The following TBC1D5 variants were observed in gnomAD, a reference collection of about 807,000 sequenced individuals.
TBC1D5 encodes TBC1 domain family member 5, also known as TBC1 domain family, member 5.
Under a neutral mutation model 100.3 loss-of-function variants are expected in TBC1D5, and 75 were observed. The observed-to-expected ratio is 0.75, with a 90% CI of 0.62 to 0.91. TBC1D5 has a LOEUF of 0.91. Among genes scored for constraint, TBC1D5 ranks in the 40% least tolerant of loss-of-function variants. TBC1D5 has a pLI of 0.00. For missense variants in TBC1D5, 910 were observed against 942.4 expected, an observed-to-expected ratio of 0.97 and a Z score of 0.45; for synonymous variants, 323 against 325.6, an observed-to-expected ratio of 0.99 and a Z score of 0.09.
At chr3:17,455,961 T>C (rs1156831071) in intron 3 of TBC1D5, among the ~76,000 whole-genome samples, 5 of 151,768 alleles carry the variant, frequency 3.3e-5, no homozygotes, top group South Asian at 2.1e-4. Context: ...CACAGACAAA[T>C]AGAACAGAAT....
chr3:17,254,184 T>C (rs1426158407), intron 16 of TBC1D5, among the ~76,000 whole-genome samples: 1 of 152,260 alleles, frequency 6.6e-6, no homozygotes, highest in Non-Finnish European at 1.5e-5. Context: ...TTCAATGTTG[T>C]TTGTTGTGGC....
At chr3:17,390,237 A>G (rs1175693579) in intron 8 of TBC1D5, among the ~76,000 whole-genome samples, 2 of 152,214 alleles carry the variant, frequency 1.3e-5, no homozygotes, top group East Asian at 3.9e-4. Flanking sequence ...TTGGAGCCCC[A>G]ATAACCAGGA....
intron 4 of TBC1D5, among the ~76,000 whole-genome samples, chr3:17,412,847 A>G (rs1456083926): frequency 6.6e-6 from 1 of 152,178 alleles, no homozygotes; most frequent in Non-Finnish European, 1.5e-5. Context: ...AGTAACCACT[A>G]AAGGGAAACA....
intron 1 of TBC1D5, among the ~76,000 whole-genome samples, chr3:17,631,906 T>C (rs2063534654): frequency 6.6e-6 from 1 of 152,216 alleles, no homozygotes; most frequent in African/African-American, 2.4e-5. Flanking sequence ...ATTAACGTTG[T>C]TTTCATGCTT....
intron 3 of TBC1D5, among the ~76,000 whole-genome samples, chr3:17,478,413 T>C (rs1346647946): frequency 2.0e-5 from 3 of 152,212 alleles, no homozygotes; most frequent in Admixed American, 6.5e-5. Flanking sequence ...GGCAACATAG[T>C]AATACTGAGT....
At chr3:17,277,408 AGTCAAAG>A (rs2149812639) in intron 15 of TBC1D5, among the ~76,000 whole-genome samples, 1 of 152,310 alleles carries the variant, frequency 6.6e-6, no homozygotes, top group South Asian at 2.1e-4. Context: ...TCAAGAAAAA[AGTCAAAG>A]GTCAACTTCA....
At chr3:17,727,947 A>G (rs1440092902) in intron 1 of TBC1D5, among the ~76,000 whole-genome samples, 1 of 152,194 alleles carries the variant, frequency 6.6e-6, no homozygotes, top group Non-Finnish European at 1.5e-5. Context: ...ATATACAATA[A>G]ATGTTCACTC....
At chr3:17,708,162 C>A (rs563611732) in intron 1 of TBC1D5, among the ~76,000 whole-genome samples, 1 of 152,262 alleles carries the variant, frequency 6.6e-6, no homozygotes, top group South Asian at 2.1e-4. Flanking sequence ...TCCACATTGT[C>A]AGTTACATAT....
rs1198960845 is a variant in TBC1D5, at chr3:17,478,686, A to C, written c.97+29788T>G. ...GCTGGCTTTGTTACTTGTCTTGGCC[A>C]AGAAAATGTGGCAGATCTGACAAGG... On this transcript the variant is annotated intron_variant, in intron 3 of 21. Coordinates refer to ENST00000253692, the Ensembl canonical transcript of TBC1D5. Among the ~76,000 whole-genome samples the C allele has an allele frequency of 3.3e-5, 5 of 152,194 alleles. No individual in the cohort carries two copies. In the South Asian group the frequency reaches 6.2e-4, roughly 19 times the overall value.
At chr3:17,675,193 T>G (rs2068466391) in intron 1 of TBC1D5, among the ~76,000 whole-genome samples, 1 of 151,772 alleles carries the variant, frequency 6.6e-6, no homozygotes, top group South Asian at 2.1e-4. Context: ...CAGTCTGAGT[T>G]ACAGATAACT....
chr3:17,339,946 T>C (rs1377410170), intron 13 of TBC1D5, among the ~76,000 whole-genome samples: 1 of 152,192 alleles, frequency 6.6e-6, no homozygotes, highest in Non-Finnish European at 1.5e-5. Flanking sequence ...ATGTGAGAAA[T>C]ATAGCAGTAT....
intron 2 of TBC1D5, among the ~76,000 whole-genome samples, chr3:17,576,796 A>T (rs759598056): frequency 6.6e-6 from 1 of 152,018 alleles, no homozygotes; most frequent in East Asian, 1.9e-4. Context: ...GAAATTTCAA[A>T]AACAGGCATT....
Position 17,703,608 on chromosome 3 carries a change from G to A in TBC1D5, c.-101+35735C>T, listed in dbSNP as rs191202406. ...TTGAACTCTAAATCTGTCAAAAGAG[G>A]ATGCAAGCTTACTACAGGAAGATTC... On this transcript the variant is annotated intron_variant, in intron 1 of 21. Transcript: ENST00000253692. 2.8e-4 allele frequency among the ~76,000 whole-genome samples: 43 copies of A among 152,160 alleles called. No individual in the cohort carries two copies. The South Asian group carries it at 3.7e-3, about 13-fold the overall frequency.
rs1309844402 is a variant in TBC1D5, at chr3:17,720,102, G to C, written c.-101+19241C>G. On this transcript the variant is annotated intron_variant, in intron 1 of 21. Transcript: ENST00000253692. ...TTAAAACACTTAACATGTTTAATAG[G>C]AAGTATTTGTGTATGTGTGTATTTA... is the stretch of plus-strand genomic sequence containing the variant. Among the ~76,000 whole-genome samples the C allele has an allele frequency of 2.0e-5, 3 of 152,128 alleles. No individual in the cohort carries two copies. In the East Asian group the frequency reaches 5.8e-4, roughly 29 times the overall value.
At chr3:17,510,256 C>T (rs1367579905) in intron 2 of TBC1D5, among the ~76,000 whole-genome samples, 1 of 151,954 alleles carries the variant, frequency 6.6e-6, no homozygotes, top group Non-Finnish European at 1.5e-5. Context: ...CTCCTCTATC[C>T]TATTTACTTT....
chr3:17,450,719 G>A (rs954277039), intron 3 of TBC1D5, among the ~76,000 whole-genome samples: 1 of 152,184 alleles, frequency 6.6e-6, no homozygotes, highest in Non-Finnish European at 1.5e-5. Context: ...AAGCCTCCAA[G>A]AAATATGCGC....
intron 16 of TBC1D5, among the ~76,000 whole-genome samples, chr3:17,256,773 A>T (rs1278819522): frequency 6.6e-6 from 1 of 152,194 alleles, no homozygotes; most frequent in East Asian, 1.9e-4. Flanking sequence ...ACACAAATGA[A>T]TTATATAACT....
intron 2 of TBC1D5, among the ~76,000 whole-genome samples, chr3:17,513,423 T>C (rs1013742247): frequency 2.0e-5 from 3 of 152,088 alleles, no homozygotes; most frequent in Non-Finnish European, 4.4e-5. Flanking sequence ...ATAAGTTAGT[T>C]TAATAATATT....
intron 1 of TBC1D5, among the ~76,000 whole-genome samples, chr3:17,719,793 T>C (rs1228916408): frequency 2.0e-5 from 3 of 152,238 alleles, no homozygotes; most frequent in African/African-American, 4.8e-5. Flanking sequence ...GTCTGTGTTA[T>C]ATAAACAACC....
Sources: gnomAD v4.1 joint callset for allele counts (sites outside exome capture counted in the v4.1 genomes callset) on GRCh38, gnomAD v4.1.1 for gene constraint, MANE v1.5 for transcripts, NCBI Gene and HGNC (gene_info 2026-07-23, HGNC 2026-07-21) for gene names.